The following RASSF3 variants were observed in gnomAD, a reference collection of about 807,000 sequenced individuals.
RASSF3 encodes the protein Ras association domain family member 3.
RASSF3 carries 19 observed loss-of-function variants against 19.9 expected under a neutral mutation model. The observed-to-expected ratio is 0.96, with a 90% CI of 0.67 to 1.40. The LOEUF is 1.40. RASSF3 is among the 40% of genes most tolerant of loss of function. The pLI, the probability that RASSF3 is intolerant of heterozygous loss-of-function variation, is 0.00. For missense variants in RASSF3, 306 were observed against 289.8 expected, an observed-to-expected ratio of 1.06 and a Z score of -0.41; for synonymous variants, 110 against 104.2, an observed-to-expected ratio of 1.06 and a Z score of -0.34.
intron 1 of RASSF3, among the ~76,000 whole-genome samples, chr12:64,626,198 G>A (rs1870985028): frequency 6.6e-6 from 1 of 152,064 alleles, no homozygotes; most frequent in African/African-American, 2.4e-5. Context: ...CATATAAAGG[G>A]CTTGGAACTA....
intron 2 of RASSF3, among the ~76,000 whole-genome samples, chr12:64,598,330 G>A (rs1487325982): frequency 6.6e-6 from 1 of 152,118 alleles, no homozygotes; most frequent in African/African-American, 2.4e-5. Flanking sequence ...ATTGTTCTAT[G>A]GGGAATATTT....
chr12:64,691,908 A>C (rs1389912012), intron 4 of RASSF3, among the ~76,000 whole-genome samples: 1 of 152,158 alleles, frequency 6.6e-6, no homozygotes, highest in Non-Finnish European at 1.5e-5. Context: ...AAAATACTCC[A>C]GTCCAGCTGA....
intron 4 of RASSF3, 28 bp from the exon 5 acceptor site, chr12:64,694,735 G>T: frequency 1.2e-6 from 2 of 1,613,124 alleles, no homozygotes; most frequent in Non-Finnish European, 1.7e-6. Context: ...TAAACATCTG[G>T]CATTTTTCTT....
chr12:64,555,855 A>G (rs1024305870), intron 2 of RASSF3, among the ~76,000 whole-genome samples: 1 of 151,938 alleles, frequency 6.6e-6, no homozygotes, highest in African/African-American at 2.4e-5. Context: ...GGAGTTTGAG[A>G]CCAGCCTGGG....
chr12:64,639,163 T>C (rs946612936), intron 1 of RASSF3, among the ~76,000 whole-genome samples: 1 of 152,226 alleles, frequency 6.6e-6, no homozygotes, highest in Admixed American at 6.5e-5. Context: ...TTTTTGAAGC[T>C]GTAATGGCGC....
At chr12:64,602,771 AAAG>A (rs1332813712) in intron 2 of RASSF3, among the ~76,000 whole-genome samples, 3 of 151,996 alleles carry the variant, frequency 2.0e-5, no homozygotes, top group African/African-American at 7.2e-5. Flanking sequence ...CCTCACAACT[AAAG>A]AAGGATTTCT....
intron 2 of RASSF3, among the ~76,000 whole-genome samples, chr12:64,552,897 C>T (rs1033353345): frequency 2.0e-5 from 3 of 152,078 alleles, no homozygotes; most frequent in African/African-American, 7.2e-5. Flanking sequence ...GCTCACCGGC[C>T]TCCGTCCTTA....
chr12:64,594,681 C>T (rs1287997601), intron 2 of RASSF3, among the ~76,000 whole-genome samples: 2 of 152,116 alleles, frequency 1.3e-5, no homozygotes, highest in Non-Finnish European at 2.9e-5. Context: ...AATAGAGAAA[C>T]AGCAGACTCA....
chr12:64,542,068 T>G (rs1209755068), downstream of RASSF3, among the ~76,000 whole-genome samples: 2 of 152,050 alleles, frequency 1.3e-5, no homozygotes, highest in African/African-American at 2.4e-5. Context: ...GACTTTTTTT[T>G]TAATCCGATG....
chr12:64,578,528 G>T (rs923595120), intron 2 of RASSF3, among the ~76,000 whole-genome samples: 2 of 152,174 alleles, frequency 1.3e-5, no homozygotes, highest in African/African-American at 4.8e-5. Context: ...GCATGATAGG[G>T]CAAGCCTGGA....
At chr12:64,592,743 TCTC>T (rs1241793042) in intron 2 of RASSF3, among the ~76,000 whole-genome samples, 1 of 152,150 alleles carries the variant, frequency 6.6e-6, no homozygotes, top group African/African-American at 2.4e-5. Context: ...CTCAAGGGAT[TCTC>T]CTGCCTTAGC....
At chr12:64,518,937 T>C (rs1335842276) in intron 1 of RASSF3, among the ~76,000 whole-genome samples, 1 of 152,188 alleles carries the variant, frequency 6.6e-6, no homozygotes, top group African/African-American at 2.4e-5. Flanking sequence ...GGGATACCTT[T>C]ATTACCAAAC....
intron 1 of RASSF3, among the ~76,000 whole-genome samples, chr12:64,611,052 G>T (rs1870340022): frequency 6.6e-6 from 1 of 152,230 alleles, no homozygotes; most frequent in Non-Finnish European, 1.5e-5. Flanking sequence ...GAGCCAGCAG[G>T]CGTCCCCGGG....
chr12:64,537,209 C>A (rs1868846878), intron 1 of RASSF3, among the ~76,000 whole-genome samples: 1 of 152,206 alleles, frequency 6.6e-6, no homozygotes, highest in African/African-American at 2.4e-5. Flanking sequence ...AGTATTCTCT[C>A]CTTGCCCTAG....
chr12:64,637,862 T>C (rs1871375699), intron 1 of RASSF3, among the ~76,000 whole-genome samples: 2 of 150,494 alleles, frequency 1.3e-5, no homozygotes, highest in Admixed American at 1.3e-4. Context: ...AGACAGAGTC[T>C]TGCTCTGTCG....
At chr12:64,675,343 T>C (rs1592462639) in intron 1 of RASSF3, among the ~76,000 whole-genome samples, 1 of 151,982 alleles carries the variant, frequency 6.6e-6, no homozygotes, top group East Asian at 1.9e-4. Flanking sequence ...AGAGATGGGG[T>C]TTCGCAATGT....
chr12:64,557,918 T>A (rs1374692147), intron 2 of RASSF3, among the ~76,000 whole-genome samples: 1 of 152,120 alleles, frequency 6.6e-6, no homozygotes, highest in Admixed American at 6.6e-5. Flanking sequence ...TGCTACGTCA[T>A]AAGTGATTTC....
At chr12:64,657,717 AACTGTGCCCCCAAGGCACTTTT>A (rs1266970930) in intron 1 of RASSF3, among the ~76,000 whole-genome samples, 1 of 152,216 alleles carries the variant, frequency 6.6e-6, no homozygotes. Flanking sequence ...AGCAGGATAA[AACTGTGCCCCCAAGGCACTTTT>A]AATCCAGAGG....
intron 2 of RASSF3, among the ~76,000 whole-genome samples, chr12:64,686,210 A>T: frequency 6.6e-6 from 1 of 151,522 alleles, no homozygotes; most frequent in Non-Finnish European, 1.5e-5. Context: ...CCTGATAGAG[A>T]CTAAAACAGA....
Sources: gnomAD v4.1 joint callset for allele counts (sites outside exome capture counted in the v4.1 genomes callset) on GRCh38, gnomAD v4.1.1 for gene constraint, MANE v1.5 for transcripts, NCBI Gene and HGNC (gene_info 2026-07-23, HGNC 2026-07-21) for gene names.